The following VRTN variants were observed in gnomAD, a reference collection of about 807,000 sequenced individuals.
VRTN encodes vertebrae development associated.
Under a neutral mutation model 18.2 loss-of-function variants are expected in VRTN, and 5 were observed. The ratio of observed to expected loss-of-function variants is 0.27; its 90% CI spans 0.14 to 0.58. The LOEUF (loss-of-function observed/expected upper bound fraction) is 0.58. VRTN is among the 20% of genes least tolerant of loss of function. The pLI, the probability that VRTN is intolerant of heterozygous loss-of-function variation, is 0.91. For synonymous variants in VRTN, 381 were observed against 393.7 expected (o/e 0.97, Z 0.38); for missense variants, 741 against 939.4 (o/e 0.79, Z 2.76).
intron 1 of VRTN, among the ~76,000 whole-genome samples, chr14:74,353,794 C>T (rs1398057608): frequency 1.3e-5 from 2 of 151,826 alleles, no homozygotes; most frequent in Non-Finnish European, 2.9e-5. Context: ...GTGATCTTGG[C>T]TCACTGTAAG....
upstream of VRTN, among the ~76,000 whole-genome samples, chr14:74,343,749 A>C (rs576061412): frequency 6.6e-6 from 1 of 152,274 alleles, no homozygotes; most frequent in East Asian, 1.9e-4. Flanking sequence ...TAAAATACAC[A>C]CCAGATTTTG....
intron 1 of VRTN, among the ~76,000 whole-genome samples, chr14:74,332,367 T>C (rs989865309): frequency 1.4e-3 from 101 of 73,000 alleles, no homozygotes; most frequent in African/African-American, 5.4e-3. Context: ...TTTTTTTTTT[T>C]TTTTTTTTTA....
At chr14:74,332,996 A>G (rs1414868691) in intron 1 of VRTN, among the ~76,000 whole-genome samples, 1 of 152,170 alleles carries the variant, frequency 6.6e-6, no homozygotes, top group Non-Finnish European at 1.5e-5. Flanking sequence ...ATTTGGATGC[A>G]TGTCTCCCAA....
intron 1 of VRTN, among the ~76,000 whole-genome samples, chr14:74,320,118 C>G (rs966420534): frequency 6.6e-6 from 1 of 152,102 alleles, no homozygotes; most frequent in Non-Finnish European, 1.5e-5. Flanking sequence ...TGGCATGCTC[C>G]TATACTCCTA....
At chr14:74,343,286 C>A (rs1401089948) in intron 2 of VRTN, among the ~76,000 whole-genome samples, 1 of 152,038 alleles carries the variant, frequency 6.6e-6, no homozygotes, top group Non-Finnish European at 1.5e-5. Context: ...GCCACCATAC[C>A]CAGCTGATTT....
At chr14:74,314,256 C>T (rs555004403) in intron 1 of VRTN, among the ~76,000 whole-genome samples, 3 of 152,064 alleles carry the variant, frequency 2.0e-5, no homozygotes, top group East Asian at 1.9e-4. Flanking sequence ...CTCAGCCTTC[C>T]CAGTAGCTGG....
In VRTN at chr14:74,358,936, G is replaced by T; in HGVS notation, c.*44G>T. ...GCTGGGAAGAAGGGGGACCAGTTTG[G>T]AGAGGGTCAGGGACCTGAGCTGACC... is the stretch of plus-strand genomic sequence containing the variant. On this transcript the variant is annotated 3_prime_UTR_variant, in exon 2 of 2. Transcript: ENST00000256362. The surrounding 1 kb of genome is among the most constrained non-coding windows in gnomAD (Gnocchi z 5.4). The T allele has an allele frequency of 6.4e-7, 1 of 1,566,788 alleles. No homozygotes were observed. Among genetic ancestry groups the T allele is most frequent in the South Asian group, 1.2e-5 (1 of 82,440 alleles).
At chr14:74,304,328 G>A (rs8012510) in intron 1 of VRTN, among the ~76,000 whole-genome samples, 26,450 of 151,704 alleles carry the variant, frequency 0.17, 2,978 homozygotes, top group East Asian at 0.48. Flanking sequence ...GGCTAATTTT[G>A]TATTTTTAGT....
chr14:74,326,773 C>G (rs894485039), intron 1 of VRTN, among the ~76,000 whole-genome samples: 1 of 145,036 alleles, frequency 6.9e-6, no homozygotes, highest in Non-Finnish European at 1.5e-5. Context: ...ACAGCCTTCC[C>G]ACCCCATGAT....
intron 1 of VRTN, among the ~76,000 whole-genome samples, chr14:74,314,139 T>A (rs1414418608): frequency 6.7e-6 from 1 of 149,430 alleles, no homozygotes; most frequent in Non-Finnish European, 1.5e-5. Flanking sequence ...TCTCTTTTAA[T>A]TTTTTTTTTA....
At chr14:74,304,565 C>G (rs1451259864) in intron 1 of VRTN, among the ~76,000 whole-genome samples, 1 of 152,132 alleles carries the variant, frequency 6.6e-6, no homozygotes, top group East Asian at 1.9e-4. Context: ...GTAGGCTTTC[C>G]TATGCAATGT....
chr14:74,327,367 C>T (rs2085494623), intron 1 of VRTN, among the ~76,000 whole-genome samples: 1 of 152,300 alleles, frequency 6.6e-6, no homozygotes, highest in South Asian at 2.1e-4. Flanking sequence ...CTCAAACTCT[C>T]TTGCACAGTT....
rs181070530 is a variant in VRTN at position 74,330,598 on chromosome 14, C to T, written c.-163-7125C>T. Among the ~76,000 whole-genome samples the T allele has an allele frequency of 3.1e-3, 476 of 151,980 alleles. 3 individuals carry two copies. The highest frequency in any genetic ancestry group is 0.016 in the Admixed American group (239 of 15,266). ...CTGGGATTACAGGCATGTGCCACCACGCCCGGCTAATTTTGTATTTTTAGT... is the reference window on the plus strand; with the variant it reads ...CTGGGATTACAGGCATGTGCCACCATGCCCGGCTAATTTTGTATTTTTAGT... On this transcript the variant is annotated intron_variant, in intron 1 of 2. Transcript: ENST00000557177.
At chr14:74,329,684 T>C (rs1252643352) in intron 1 of VRTN, among the ~76,000 whole-genome samples, 1 of 151,488 alleles carries the variant, frequency 6.6e-6, no homozygotes, top group African/African-American at 2.4e-5. Context: ...GTTCAAGCGA[T>C]TCTCCTGCCT....
intron 1 of VRTN, among the ~76,000 whole-genome samples, chr14:74,353,662 A>T (rs1262630156): frequency 6.6e-6 from 1 of 152,242 alleles, no homozygotes; most frequent in Admixed American, 6.5e-5. Context: ...AAATTTTAAA[A>T]AGCCTGTTAT....
At chr14:74,331,904 C>T (rs983288804) in intron 1 of VRTN, among the ~76,000 whole-genome samples, 1 of 152,038 alleles carries the variant, frequency 6.6e-6, no homozygotes, top group Non-Finnish European at 1.5e-5. Context: ...TTCTAAGGGA[C>T]ACTTGGGGTG....
chr14:74,344,704 C>T (rs1336198612), upstream of VRTN, among the ~76,000 whole-genome samples: 28 of 118,104 alleles, frequency 2.4e-4, no homozygotes, highest in Admixed American at 3.2e-3. Flanking sequence ...CACTGCACTC[C>T]AGCCTGAGCA....
intron 1 of VRTN, among the ~76,000 whole-genome samples, chr14:74,308,736 G>T (rs992736902): frequency 6.6e-6 from 1 of 151,996 alleles, no homozygotes; most frequent in Non-Finnish European, 1.5e-5. Flanking sequence ...AGCTACTCTC[G>T]AACTCCTAAC....
intron 1 of VRTN, among the ~76,000 whole-genome samples, chr14:74,330,441 C>CTTTTT (rs34686412): frequency 7.2e-6 from 1 of 138,012 alleles, no homozygotes; most frequent in African/African-American, 2.7e-5. Context: ...CAGTATCAAA[C>CTTTTT]TTTTTTTTTT....
Sources: allele counts gnomAD v4.1 joint callset (sites outside exome capture counted in the v4.1 genomes callset), GRCh38; gene constraint gnomAD v4.1.1; non-coding constraint Gnocchi (gnomAD v3.1); transcripts MANE v1.5; gene names NCBI Gene and HGNC (gene_info 2026-07-23, HGNC 2026-07-21).